Variants in FOXN3 observed in about 807,000 individuals in gnomAD.
The protein encoded by FOXN3 is forkhead box protein N3.
A neutral mutation model predicts 38.4 loss-of-function variants in FOXN3; 7 were observed. The ratio of observed to expected loss-of-function variants is 0.18; its 90% CI spans 0.10 to 0.34. The LOEUF is 0.34. Ranked by LOEUF, FOXN3 falls within the 10% of genes least tolerant of loss-of-function variation. FOXN3 has a pLI of 1.00. For missense variants in FOXN3, 456 were observed against 613.4 expected (o/e 0.74, Z 2.71); for synonymous variants, 230 against 242.2 (o/e 0.95, Z 0.47).
chr14:89,533,561 C>A (rs1894618909), intron 1 of FOXN3, among the ~76,000 whole-genome samples: 1 of 146,466 alleles, frequency 6.8e-6, no homozygotes, highest in African/African-American at 2.5e-5. Flanking sequence ...ACTCGGGAGG[C>A]TGAGGCAGGA....
intron 2 of FOXN3, among the ~76,000 whole-genome samples, chr14:89,390,684 C>T (rs962619324): frequency 1.3e-5 from 2 of 152,006 alleles, no homozygotes; most frequent in Non-Finnish European, 2.9e-5. Flanking sequence ...CAAGGAAGCT[C>T]CAAAGTAATT....
Position 89,278,672 on chromosome 14 carries a change from G to A in FOXN3, c.745+2278C>T, listed in dbSNP as rs78693975. Among the ~76,000 whole-genome samples, 1,189 of 152,190 alleles carry A rather than the reference G, an allele frequency of 7.8e-3. 19 individuals are homozygous for A. The highest frequency in any genetic ancestry group is 0.073 in the East Asian group (379 of 5,174). ...GCCATCTTTGGGGACAAGCATCCTC[G>A]TTCTACTTGCCCTCAATTCCAATGC... On this transcript the variant is annotated intron_variant, in intron 4 of 5. Coordinates refer to ENST00000557258, the MANE Select transcript of FOXN3 (RefSeq NM_005197.4).
At position 89,583,477 on chromosome 14, in the gene FOXN3, C is replaced by T. The variant is rs184579983; in HGVS notation, c.-15+35551G>A. The stretch of plus-strand genomic sequence containing the variant: ...AAGGATGCTGCAAGAAGGCCCTCAC[C>T]AGACCCAATGCTGGCATTTTGATCT... On this transcript the variant is annotated intron_variant, in intron 1 of 6. Coordinates refer to the FOXN3 transcript ENST00000345097. Among the ~76,000 whole-genome samples the T allele has an allele frequency of 1.3e-3, 194 of 152,334 alleles. 1 individual carries two copies. The highest frequency in any genetic ancestry group is 4.5e-3 in the African/African-American group (187 of 41,582).
At chr14:89,507,998 ATAGT>A (rs1043854354) in intron 1 of FOXN3, among the ~76,000 whole-genome samples, 8 of 152,206 alleles carry the variant, frequency 5.3e-5, no homozygotes. Context: ...GTTAAGCCAA[ATAGT>A]TAGACCTGAA....
chr14:89,377,513 A>T (rs1447953242), intron 2 of FOXN3, among the ~76,000 whole-genome samples: 1 of 151,932 alleles, frequency 6.6e-6, no homozygotes, highest in Non-Finnish European at 1.5e-5. Context: ...TGATGCCTAA[A>T]ACTTTGTTTT....
chr14:89,563,782 T>C (rs1294081489), intron 1 of FOXN3, among the ~76,000 whole-genome samples: 1 of 152,070 alleles, frequency 6.6e-6, no homozygotes, highest in Non-Finnish European at 1.5e-5. Flanking sequence ...CAGCAGGAAA[T>C]GGTGTGCCAT....
chr14:89,578,538 C>T (rs575287168), intron 1 of FOXN3, among the ~76,000 whole-genome samples: 6 of 152,262 alleles, frequency 3.9e-5, no homozygotes, highest in East Asian at 3.9e-4. Flanking sequence ...TTAGGCTGAC[C>T]GACACAGAAC....
intron 4 of FOXN3, among the ~76,000 whole-genome samples, chr14:89,244,890 T>C (rs956385415): frequency 6.6e-6 from 1 of 152,184 alleles, no homozygotes; most frequent in Non-Finnish European, 1.5e-5. Context: ...CTTCAACTCA[T>C]ATTAACCAAT....
At chr14:89,251,451 G>A (rs907651780) in intron 4 of FOXN3, among the ~76,000 whole-genome samples, 7 of 152,160 alleles carry the variant, frequency 4.6e-5, no homozygotes, top group Admixed American at 4.6e-4. Context: ...AAAGCACCTC[G>A]CACATTTGAA....
chr14:89,309,605 T>C (rs1472491517), intron 3 of FOXN3, among the ~76,000 whole-genome samples: 1 of 152,184 alleles, frequency 6.6e-6, no homozygotes, highest in Non-Finnish European at 1.5e-5. Flanking sequence ...AGATGCACTT[T>C]AGCCCAGGGG....
chr14:89,593,205 GAGGGAGAAGGA>G (rs368122626), intron 1 of FOXN3, among the ~76,000 whole-genome samples: 22 of 146,468 alleles, frequency 1.5e-4, no homozygotes, highest in African/African-American at 5.6e-4. Context: ...AGGCAGGAGA[GAGGGAGAAGGA>G]AGGGAGGAAG....
intron 1 of FOXN3, among the ~76,000 whole-genome samples, chr14:89,541,146 A>T (rs1234066980): frequency 6.6e-6 from 1 of 152,176 alleles, no homozygotes; most frequent in Non-Finnish European, 1.5e-5. Flanking sequence ...ATATGAATGG[A>T]ACCAGAGCTA....
chr14:89,293,926 T>C (rs1383759662), intron 3 of FOXN3, among the ~76,000 whole-genome samples: 1 of 152,040 alleles, frequency 6.6e-6, no homozygotes, highest in Non-Finnish European at 1.5e-5. Context: ...GAAGTAAAGT[T>C]TATCCTTTAA....
chr14:89,206,710 G>T (rs10143024), intron 4 of FOXN3, among the ~76,000 whole-genome samples: 76,749 of 152,070 alleles, frequency 0.5, 20,808 homozygotes, highest in African/African-American at 0.72. Flanking sequence ...CAAGCAAAAC[G>T]AAACAAAGAA....
At chr14:89,196,131 G>A (rs1333612906) in intron 4 of FOXN3, among the ~76,000 whole-genome samples, 1 of 152,106 alleles carries the variant, frequency 6.6e-6, no homozygotes, top group East Asian at 1.9e-4. Flanking sequence ...TCTGTAGTAC[G>A]AGACTGGAAA....
At chr14:89,271,013 G>A (rs1204653283) in intron 4 of FOXN3, among the ~76,000 whole-genome samples, 1 of 151,904 alleles carries the variant, frequency 6.6e-6, no homozygotes, top group Non-Finnish European at 1.5e-5. Flanking sequence ...TGAGGGCAGG[G>A]GCCACATTCA....
intron 3 of FOXN3, among the ~76,000 whole-genome samples, chr14:89,319,515 T>G (rs936754022): frequency 2.6e-5 from 4 of 152,052 alleles, no homozygotes; most frequent in Admixed American, 2.6e-4. Flanking sequence ...ACCCTATGCC[T>G]AGAGCACACC....
At chr14:89,322,035 C>T (rs1011824246) in intron 3 of FOXN3, among the ~76,000 whole-genome samples, 1 of 152,206 alleles carries the variant, frequency 6.6e-6, no homozygotes, top group African/African-American at 2.4e-5. Context: ...GGCCCTGATA[C>T]TGCAACCCTC....
intron 5 of FOXN3, among the ~76,000 whole-genome samples, chr14:89,178,173 A>ATT (rs777561153): frequency 3.8e-5 from 5 of 133,030 alleles, no homozygotes; most frequent in East Asian, 2.2e-4. Flanking sequence ...TGCCCAGGTC[A>ATT]TTTTTTTTTT....
Sources: allele counts gnomAD v4.1 joint callset (sites outside exome capture counted in the v4.1 genomes callset), GRCh38; gene constraint gnomAD v4.1.1; transcripts MANE v1.5; gene names NCBI Gene and HGNC (gene_info 2026-07-23, HGNC 2026-07-21).